The following EFHC1 variants were observed in gnomAD, a reference collection of about 807,000 sequenced individuals.
The protein encoded by EFHC1 is EF-hand domain-containing protein 1.
A neutral mutation model predicts 69.9 loss-of-function variants in EFHC1; 53 were observed. That is an observed-to-expected ratio of 0.76 (90% CI 0.61 to 0.95). The LOEUF is 0.95. Among genes scored for constraint, EFHC1 ranks in the 40% least tolerant of loss-of-function variants. EFHC1 has a pLI of 0.00. For synonymous variants in EFHC1, 256 were observed against 278.4 expected, an observed-to-expected ratio of 0.92 and a Z score of 0.80; for missense variants, 739 against 798.7, an observed-to-expected ratio of 0.93 and a Z score of 0.90.
intron 1 of EFHC1, 113 bp downstream of exon 1, chr6:52,420,586 C>CA (rs1764167343): frequency 1.5e-6 from 2 of 1,303,418 alleles, no homozygotes; most frequent in Admixed American, 1.8e-5. Flanking sequence ...TCTCTCCAAA[C>CA]ACGTCTTCTG....
intron 2 of EFHC1, among the ~76,000 whole-genome samples, chr6:52,433,185 G>T (rs1450251513): frequency 6.6e-6 from 1 of 151,844 alleles, no homozygotes; most frequent in Non-Finnish European, 1.5e-5. Context: ...GGTAAATTAG[G>T]GATTTCTTCT....
rs940021190 is a variant in EFHC1 at position 52,494,512 on chromosome 6, G to A, written c.*2171G>A. On this transcript the variant is annotated 3_prime_UTR_variant, in exon 11 of 11. Coordinates refer to ENST00000371068, the MANE Select transcript of EFHC1 (RefSeq NM_018100.4). ...GGGCAAAGTCTTATTTCTGTGGCTA[G>A]TAATGTCGTAATGTGGGGCCAGGTC... The A allele has an allele frequency of 2.2e-6, 1 of 454,130 alleles. No individual in the cohort carries two copies. 28.1% of individuals were successfully genotyped at this position (454,130 alleles called of 1,614,324 possible).
At chr6:52,437,951 A>G (rs955033892) in intron 2 of EFHC1, among the ~76,000 whole-genome samples, 14 of 152,220 alleles carry the variant, frequency 9.2e-5, no homozygotes, top group Non-Finnish European at 1.6e-4. Flanking sequence ...ATGGGAGAGC[A>G]GCTGTTAACA....
chr6:52,422,360 G>A (rs1423983702), intron 1 of EFHC1, among the ~76,000 whole-genome samples: 1 of 152,146 alleles, frequency 6.6e-6, no homozygotes. Flanking sequence ...TCAACTCAGC[G>A]CATTTTGTTC....
chr6:52,454,191 G>A lies in EFHC1; in HGVS notation c.820G>A (p.Glu274Lys). ...IHYYLMDDTV[E>K]IREVHERNDG... ...TTACTATCTTATGGATGATACGGTG[G>A]AAATTCGAGAGGTCCACGAACGGAA... The change falls in exon 5 of 11, where the codon GAA (glutamate) becomes AAA (lysine). Residue 274 changes from glutamate to lysine, a missense_variant. Coordinates refer to ENST00000371068, the MANE Select transcript of EFHC1 (RefSeq NM_018100.4). The A allele has an allele frequency of 6.2e-7, 1 of 1,614,166 alleles. No homozygotes were observed. The highest frequency in any genetic ancestry group is 8.5e-7 in the Non-Finnish European group (1 of 1,180,032).
intron 2 of EFHC1, among the ~76,000 whole-genome samples, chr6:52,431,298 T>C (rs1264257378): frequency 6.6e-6 from 1 of 152,198 alleles, no homozygotes; most frequent in Non-Finnish European, 1.5e-5. Flanking sequence ...CCTTAGATTG[T>C]CTGTTAGTGC....
In EFHC1 at chr6:52,420,570, C is replaced by T; in HGVS notation, c.63+97C>T. 2.1e-6 allele frequency: 3 copies of T among 1,425,906 alleles called. No individual in the cohort carries two copies. The South Asian group carries it at 3.5e-5, about 17-fold the overall frequency. 88.3% of individuals were successfully genotyped at this position (1,425,906 alleles called of 1,614,324 possible). ...CACCTCCATTCCCCTCCACTCAAGTCTGTCTTCTCTCCAAACACGTCTTCT... is the reference window on the plus strand; with the variant it reads ...CACCTCCATTCCCCTCCACTCAAGTTTGTCTTCTCTCCAAACACGTCTTCT... On this transcript the variant is annotated intron_variant, in intron 1 of 10. Coordinates refer to ENST00000371068, the MANE Select transcript of EFHC1 (RefSeq NM_018100.4).
chr6:52,450,498 G>GTTC (rs1764891315), intron 3 of EFHC1, among the ~76,000 whole-genome samples: 1 of 152,178 alleles, frequency 6.6e-6, no homozygotes. Flanking sequence ...TGTATTGGGT[G>GTTC]CATATGTATT....
chr6:52,420,980 C>G, intron 1 of EFHC1: 1 of 1,047,938 alleles, frequency 9.5e-7, no homozygotes, highest in Non-Finnish European at 1.2e-6. Flanking sequence ...TCTTCCTCTT[C>G]TGAATCCTGT....
chr6:52,434,021 A>G lies in EFHC1; in HGVS notation c.286-4283A>G, dbSNP rs371825977. Among the ~76,000 whole-genome samples the G allele has an allele frequency of 2.8e-4, 43 of 151,750 alleles. No individual in the cohort carries two copies. The East Asian group carries it at 7.4e-3, about 26-fold the overall frequency. ...AACCCAAAGGTCCAATCTCACTCCC[A>G]CTGTCCCGCCCCTCTCCAACAGCAC... On this transcript the variant is annotated intron_variant, in intron 2 of 10. Transcript: ENST00000371068.
At position 52,492,528 on chromosome 6, in the gene EFHC1, G is replaced by T; in HGVS notation, c.*187G>T. Reference sequence around the variant, plus strand: ...GGATCTAAGATTGGTGCCTTATTTAGGGTGATAGGGGTATAGCAATGTCTA... The same window carrying T: ...GGATCTAAGATTGGTGCCTTATTTATGGTGATAGGGGTATAGCAATGTCTA... On this transcript the variant is annotated 3_prime_UTR_variant, in exon 11 of 11. Transcript: ENST00000371068. 1.4e-6 allele frequency: 1 copy of T among 701,654 alleles called. No homozygotes were observed. The allele number at this position is 701,654 out of a possible 1,614,324, so 43.5% of individuals were successfully genotyped here.
rs35984636 is a variant in EFHC1 at position 52,467,181 on chromosome 6, CTT to C, written c.1137+2083_1137+2084del. Among the ~76,000 whole-genome samples, 476 of 134,730 alleles carry C rather than the reference CTT, an allele frequency of 3.5e-3. 4 individuals are homozygous for C. The highest frequency in any genetic ancestry group is 0.011 in the African/African-American group (415 of 36,638). The allele number at this position is 134,730 out of a possible 152,430, so 88.4% of individuals were successfully genotyped here. The stretch of plus-strand genomic sequence containing the variant: ...CCTTTTCTTGGTGAAAGGACTTTGA[CTT>C]TTTTTTTTTTTTTTTTAAGACAGGG... On this transcript the variant is annotated intron_variant, in intron 6 of 10. Transcript: ENST00000371068.
intron 3 of EFHC1, among the ~76,000 whole-genome samples, chr6:52,445,088 G>A (rs1264528370): frequency 1.3e-5 from 2 of 150,802 alleles, no homozygotes; most frequent in Non-Finnish European, 3.0e-5. Flanking sequence ...TTGGTGTAGA[G>A]GTGTTTATAG....
intron 8 of EFHC1, 130 bp downstream of exon 8, chr6:52,479,380 A>G: frequency 9.2e-7 from 1 of 1,088,054 alleles, no homozygotes; most frequent in South Asian, 1.3e-5. Context: ...CTATCCTTGT[A>G]TATATGGTAT....
chr6:52,454,570 A>C (rs1474414067), intron 5 of EFHC1, among the ~76,000 whole-genome samples: 16 of 152,178 alleles, frequency 1.1e-4, no homozygotes, highest in Admixed American at 1.0e-3. Flanking sequence ...GAAACAATTT[A>C]ATATTAGATT....
In EFHC1 at chr6:52,464,901, T is replaced by C; in HGVS notation, c.923T>C (p.Phe308Ser). ...PKVLVENAKN[F>S]PQCVLEISDQ... ...TAACACCATCTTATATTAGAGAACT[T>C]CCCTCAGTGTGTGCTAGAAATCTCT... The change falls in exon 6 of 11, where the codon TTC (phenylalanine) becomes TCC (serine). Residue 308 changes from phenylalanine (F) to serine (S), a missense_variant. Physicochemically the swap from Phe to Ser is radical, Grantham distance 155. Coordinates refer to ENST00000371068, the MANE Select transcript of EFHC1 (RefSeq NM_018100.4). 6.2e-7 allele frequency: 1 copy of C among 1,613,758 alleles called. No homozygotes were observed. The highest frequency in any genetic ancestry group is 8.5e-7 in the Non-Finnish European group (1 of 1,179,658).
intron 1 of EFHC1, chr6:52,421,123 C>A: frequency 1.1e-6 from 1 of 880,182 alleles, no homozygotes; most frequent in Non-Finnish European, 1.4e-6. Flanking sequence ...TTTTCTCCAT[C>A]TTCTACATTT....
At chr6:52,441,482 C>A (rs981764932) in intron 3 of EFHC1, among the ~76,000 whole-genome samples, 1 of 152,088 alleles carries the variant, frequency 6.6e-6, no homozygotes, top group African/African-American at 2.4e-5. Context: ...TGTACCAGTA[C>A]TGTACTGTTT....
intron 10 of EFHC1, among the ~76,000 whole-genome samples, chr6:52,492,013 C>T (rs559304007): frequency 7.2e-5 from 11 of 152,180 alleles, no homozygotes; most frequent in African/African-American, 2.7e-4. Flanking sequence ...CTGAGTTGAT[C>T]ATGACGCTCA....
Sources: gnomAD v4.1 joint callset for allele counts (sites outside exome capture counted in the v4.1 genomes callset) on GRCh38, gnomAD v4.1.1 for gene constraint, MANE v1.5 for transcripts, NCBI Gene and HGNC (gene_info 2026-07-23, HGNC 2026-07-21) for gene names.